IL1RAPL2: variants seen among roughly 807,000 people sequenced by gnomAD.
IL1RAPL2 encodes the protein interleukin 1 receptor accessory protein like 2, also known as X-linked interleukin-1 receptor accessory protein-like 2.
In IL1RAPL2, 3 loss-of-function variants were observed where a neutral mutation model predicts 44.1. That is an observed-to-expected ratio of 0.07 (90% CI 0.03 to 0.18). The LOEUF is 0.18. Ranked by LOEUF, IL1RAPL2 falls within the 10% of genes least tolerant of loss-of-function variation. The probability of loss-of-function intolerance (pLI) is 1.00; values close to 1 mark genes in which losing one functional copy is unlikely to be tolerated. For missense variants in IL1RAPL2, 391 were observed against 496.4 expected, an observed-to-expected ratio of 0.79 and a Z score of 2.02; for synonymous variants, 181 against 178.8, an observed-to-expected ratio of 1.01 and a Z score of -0.10.
intron 2 of IL1RAPL2, among the ~76,000 whole-genome samples, chrX:105,075,480 C>G (rs1279755674): frequency 1.1e-3 from 122 of 111,660 alleles, no homozygotes; most frequent in African/African-American, 3.6e-3. Flanking sequence ...CAATGTTCAT[C>G]AAGGATATTG....
At chrX:104,597,028 A>T (rs1177994005) in intron 1 of IL1RAPL2, among the ~76,000 whole-genome samples, 1 of 111,160 alleles carries the variant, frequency 9.0e-6, no homozygotes, top group African/African-American at 3.3e-5. Flanking sequence ...CCAAAGGAGA[A>T]CTATATGCTG....
At chrX:104,846,338 C>T (rs1192976517) in intron 2 of IL1RAPL2, among the ~76,000 whole-genome samples, 1 of 109,578 alleles carries the variant, frequency 9.1e-6, no homozygotes, top group African/African-American at 3.3e-5. Flanking sequence ...TAATGCTATC[C>T]CTCCCCCCTC....
intron 2 of IL1RAPL2, among the ~76,000 whole-genome samples, chrX:104,914,507 T>C (rs1309377113): frequency 2.7e-5 from 3 of 111,987 alleles, no homozygotes; most frequent in Non-Finnish European, 5.6e-5. Flanking sequence ...TGGAAAGATA[T>C]TCTTCTATTG....
chrX:105,653,167 A>G (rs1245245546), intron 6 of IL1RAPL2, among the ~76,000 whole-genome samples: 1 of 111,796 alleles, frequency 8.9e-6, no homozygotes, highest in Non-Finnish European at 1.9e-5. Context: ...TACGGAAAAT[A>G]TAGCTTCTGA....
intron 7 of IL1RAPL2, among the ~76,000 whole-genome samples, chrX:105,721,838 A>G (rs1178467094): frequency 1.8e-5 from 2 of 111,954 alleles, no homozygotes; most frequent in African/African-American, 6.5e-5. Flanking sequence ...GTTCCAGGAA[A>G]TTTATTTTGA....
chrX:104,726,814 T>G (rs1397264039), intron 2 of IL1RAPL2, among the ~76,000 whole-genome samples: 1 of 110,896 alleles, frequency 9.0e-6, no homozygotes, highest in Admixed American at 9.7e-5. Flanking sequence ...TGCGATAGCC[T>G]CATAGTATAA....
intron 5 of IL1RAPL2, chrX:105,405,814 G>C (rs1259602910): frequency 1.8e-5 from 21 of 1,170,961 alleles, no homozygotes; most frequent in Non-Finnish European, 2.4e-5. Context: ...GCTGTATATG[G>C]AACTTTATCT....
intron 2 of IL1RAPL2, among the ~76,000 whole-genome samples, chrX:105,163,756 G>A (rs192712236): frequency 1.8e-5 from 2 of 110,899 alleles, no homozygotes; most frequent in East Asian, 5.8e-4. Flanking sequence ...GTCATTTCAG[G>A]CTCAAAAAAG....
intron 6 of IL1RAPL2, among the ~76,000 whole-genome samples, chrX:105,511,254 T>G (rs899034809): frequency 5.4e-5 from 6 of 111,729 alleles, no homozygotes; most frequent in Admixed American, 9.5e-5. Flanking sequence ...GACATAACAA[T>G]TTTCTATCAC....
At chrX:104,841,081 T>G in intron 2 of IL1RAPL2, among the ~76,000 whole-genome samples, 1 of 111,567 alleles carries the variant, frequency 9.0e-6, no homozygotes, top group Non-Finnish European at 1.9e-5. Flanking sequence ...CAGTATTGAG[T>G]GCATATATAT....
rs187102267 is a variant in IL1RAPL2 at position 105,474,921 on chromosome X, T to C, written c.698-9392T>C. 8.1e-5 allele frequency among the ~76,000 whole-genome samples: 9 copies of C among 111,202 alleles called. No individual in the cohort carries two copies. The East Asian group carries it at 2.6e-3, about 32-fold the overall frequency. ...GAAGAAATATGACAGTATAGAGTAGTGGCTATGACCTTGGACTCAAGGGTG... is the reference window on the plus strand; with the variant it reads ...GAAGAAATATGACAGTATAGAGTAGCGGCTATGACCTTGGACTCAAGGGTG... On this transcript the variant is annotated intron_variant, in intron 5 of 10. Coordinates refer to ENST00000372582, the MANE Select transcript of IL1RAPL2 (RefSeq NM_017416.2).
intron 5 of IL1RAPL2, among the ~76,000 whole-genome samples, chrX:105,374,642 T>C (rs2035371653): frequency 9.0e-6 from 1 of 110,776 alleles, no homozygotes; most frequent in South Asian, 3.8e-4. Flanking sequence ...TTTGGCTTGG[T>C]TGTTGTTGGA....
In IL1RAPL2 at chrX:104,717,753, TC is replaced by T. The variant is rs778496518; in HGVS notation, c.82+58767del. On this transcript the variant is annotated intron_variant, in intron 2 of 10. Transcript: ENST00000372582. ...GTTAGGTATCTCTCCTAATGCTATC[TC>T]CCCCCCCCACCCCACAACAGTCCCC... Among the ~76,000 whole-genome samples the T allele has an allele frequency of 6.9e-4, 74 of 106,745 alleles. No individual in the cohort carries two copies. The Middle Eastern group carries it at 0.014, about 21-fold the overall frequency. The allele number at this position is 106,745 out of a possible 115,157, so 92.7% of individuals were successfully genotyped here.
intron 4 of IL1RAPL2, among the ~76,000 whole-genome samples, chrX:105,237,352 A>G (rs898925746): frequency 8.9e-6 from 1 of 111,968 alleles, no homozygotes; most frequent in Non-Finnish European, 1.9e-5. Flanking sequence ...TCCTTTGGGT[A>G]TATACCCAGT....
At chrX:105,330,006 A>G (rs1260028928) in intron 5 of IL1RAPL2, among the ~76,000 whole-genome samples, 2 of 111,143 alleles carry the variant, frequency 1.8e-5, no homozygotes, top group African/African-American at 6.5e-5. Flanking sequence ...GTTGCTACCA[A>G]ATGTATGGTC....
chrX:104,730,784 T>C (rs1434778230), intron 2 of IL1RAPL2, among the ~76,000 whole-genome samples: 5 of 110,176 alleles, frequency 4.5e-5, no homozygotes, highest in Non-Finnish European at 9.5e-5. Flanking sequence ...TCTAGATCCC[T>C]GAGGAATCGC....
intron 5 of IL1RAPL2, among the ~76,000 whole-genome samples, chrX:105,464,286 G>C (rs1247464801): frequency 9.0e-6 from 1 of 111,722 alleles, no homozygotes; most frequent in Non-Finnish European, 1.9e-5. Context: ...TAAGATAAAT[G>C]CTATTATTCT....
chrX:104,820,704 A>T (rs1334155170), intron 2 of IL1RAPL2, among the ~76,000 whole-genome samples: 1 of 111,400 alleles, frequency 9.0e-6, no homozygotes, highest in African/African-American at 3.3e-5. Context: ...ACTGCCAGAA[A>T]CTCACTAAAT....
At chrX:105,466,520 C>T (rs2036131431) in intron 5 of IL1RAPL2, among the ~76,000 whole-genome samples, 1 of 111,400 alleles carries the variant, frequency 9.0e-6, no homozygotes, top group Non-Finnish European at 1.9e-5. Flanking sequence ...AGAATGATAG[C>T]TTTCATTTGT....
Sources: allele counts gnomAD v4.1 joint callset (sites outside exome capture counted in the v4.1 genomes callset), GRCh38; gene constraint gnomAD v4.1.1; transcripts MANE v1.5; gene names NCBI Gene and HGNC (gene_info 2026-07-23, HGNC 2026-07-21).